FAF1: variants seen among roughly 807,000 people sequenced by gnomAD.
The protein encoded by FAF1 is Fas associated factor 1, also known as FAS-associated factor 1.
In FAF1, 25 loss-of-function variants were observed where a neutral mutation model predicts 92.5. That is an observed-to-expected ratio of 0.27 (90% CI 0.20 to 0.38). FAF1 has a LOEUF of 0.38. FAF1 is among the 10% of genes least tolerant of loss of function. The probability of loss-of-function intolerance (pLI) is 1.00; values close to 1 mark genes in which losing one functional copy is unlikely to be tolerated. For synonymous variants in FAF1, 234 were observed against 273.2 expected (o/e 0.86, Z 1.42); for missense variants, 636 against 793.3 (o/e 0.80, Z 2.38).
intron 6 of FAF1, among the ~76,000 whole-genome samples, chr1:50,707,761 A>C (rs1225436505): frequency 6.6e-6 from 1 of 152,160 alleles, no homozygotes; most frequent in Non-Finnish European, 1.5e-5. Flanking sequence ...ATTAAGCATA[A>C]TGTGTGGCAC....
At chr1:50,942,935 T>C (rs1310693192) in intron 1 of FAF1, among the ~76,000 whole-genome samples, 1 of 152,158 alleles carries the variant, frequency 6.6e-6, no homozygotes, top group Admixed American at 6.5e-5. Context: ...AGGGAGAAAG[T>C]ATCTTTACCT....
chr1:50,722,884 G>C (rs780593087), intron 6 of FAF1, among the ~76,000 whole-genome samples: 1 of 152,122 alleles, frequency 6.6e-6, no homozygotes, highest in African/African-American at 2.4e-5. Context: ...TCCTCTTTCA[G>C]TACCTCTCCT....
intron 7 of FAF1, among the ~76,000 whole-genome samples, chr1:50,675,783 T>C (rs1424504341): frequency 1.3e-5 from 2 of 152,194 alleles, no homozygotes; most frequent in Non-Finnish European, 2.9e-5. Flanking sequence ...CTAAAAGTCA[T>C]ATCCAGAAAC....
At chr1:50,727,423 G>T (rs757714034) in intron 6 of FAF1, among the ~76,000 whole-genome samples, 11 of 152,112 alleles carry the variant, frequency 7.2e-5, no homozygotes, top group Admixed American at 6.6e-5. Context: ...AGAAATCAAA[G>T]CTAAGGCAAA....
chr1:50,926,210 G>A (rs1645005123), intron 1 of FAF1, among the ~76,000 whole-genome samples: 1 of 152,074 alleles, frequency 6.6e-6, no homozygotes, highest in Non-Finnish European at 1.5e-5. Flanking sequence ...GAAAGATCCT[G>A]TCTCTAAACA....
intron 1 of FAF1, among the ~76,000 whole-genome samples, chr1:50,942,563 G>T (rs758582395): frequency 6.6e-6 from 1 of 151,748 alleles, no homozygotes; most frequent in Non-Finnish European, 1.5e-5. Flanking sequence ...CAAAATGAGG[G>T]ATTACCTACC....
intron 6 of FAF1, among the ~76,000 whole-genome samples, chr1:50,710,415 G>A (rs1393993118): frequency 4.6e-5 from 7 of 152,050 alleles, no homozygotes; most frequent in African/African-American, 7.2e-5. Flanking sequence ...ATCTGAATCC[G>A]TTTCACTACT....
chr1:50,530,269 GTGTGTGTA>G, intron 15 of FAF1, among the ~76,000 whole-genome samples: 1 of 139,810 alleles, frequency 7.2e-6, no homozygotes, highest in Non-Finnish European at 1.6e-5. Flanking sequence ...GTGTGTGTGT[GTGTGTGTA>G]TGTATATATG....
chr1:50,528,777 T>C (rs796893757), intron 15 of FAF1, among the ~76,000 whole-genome samples: 14 of 152,240 alleles, frequency 9.2e-5, no homozygotes, highest in African/African-American at 3.4e-4. Context: ...CTCTACCTCT[T>C]TTGGCTCTGC....
chr1:50,650,805 A>G (rs1557456123), intron 8 of FAF1, among the ~76,000 whole-genome samples: 1 of 152,198 alleles, frequency 6.6e-6, no homozygotes. Flanking sequence ...CTTCCTTGTT[A>G]AAGTGTAAAA....
intron 1 of FAF1, among the ~76,000 whole-genome samples, chr1:50,873,580 T>C (rs901767244): frequency 1.3e-5 from 2 of 152,192 alleles, no homozygotes; most frequent in African/African-American, 2.4e-5. Flanking sequence ...GTGACACTCA[T>C]TGTTCATTAG....
At chr1:50,953,699 A>C (rs1645239469) in intron 1 of FAF1, among the ~76,000 whole-genome samples, 1 of 152,020 alleles carries the variant, frequency 6.6e-6, no homozygotes, top group South Asian at 2.1e-4. Context: ...AGATCACGCC[A>C]CTGCACTACA....
chr1:50,560,663 C>A (rs1206626680), intron 13 of FAF1, among the ~76,000 whole-genome samples: 2 of 152,196 alleles, frequency 1.3e-5, no homozygotes, highest in Non-Finnish European at 2.9e-5. Context: ...AATTCATTTT[C>A]CAGCACTCAT....
chr1:50,779,537 A>G lies in FAF1; in HGVS notation c.367+8463T>C, dbSNP rs577668614. Among the ~76,000 whole-genome samples, 6 of 152,062 alleles carry G rather than the reference A, an allele frequency of 3.9e-5. No homozygotes were observed. The East Asian group carries it at 1.2e-3, about 29-fold the overall frequency. ...AGATACTATCAATCTCCCTGTATAT[A>G]TTGATATCTAAATATATATTTAGAT... On this transcript the variant is annotated intron_variant, in intron 4 of 18. Transcript: ENST00000396153.
intron 4 of FAF1, among the ~76,000 whole-genome samples, chr1:50,778,637 T>A (rs535430257): frequency 6.6e-6 from 1 of 152,296 alleles, no homozygotes; most frequent in South Asian, 2.1e-4. Flanking sequence ...AAGTGGATCA[T>A]CTTCCTCACT....
At chr1:50,923,412 T>C (rs2124735743) in intron 1 of FAF1, among the ~76,000 whole-genome samples, 1 of 152,098 alleles carries the variant, frequency 6.6e-6, no homozygotes, top group Non-Finnish European at 1.5e-5. Context: ...AGACCTTGTG[T>C]CTTTAAACAA....
At chr1:50,898,884 T>G (rs1006301527) in intron 1 of FAF1, among the ~76,000 whole-genome samples, 6 of 152,230 alleles carry the variant, frequency 3.9e-5, no homozygotes, top group African/African-American at 1.4e-4. Flanking sequence ...ATATGTTGGT[T>G]TATGGTTTTC....
intron 6 of FAF1, among the ~76,000 whole-genome samples, chr1:50,731,196 T>C (rs1461219332): frequency 2.0e-5 from 3 of 152,068 alleles, no homozygotes; most frequent in Non-Finnish European, 2.9e-5. Flanking sequence ...GTTGGACAAC[T>C]AGGCTTTAGG....
chr1:50,485,092 C>T (rs1377999361), intron 17 of FAF1, among the ~76,000 whole-genome samples: 2 of 151,456 alleles, frequency 1.3e-5, no homozygotes, highest in Non-Finnish European at 2.9e-5. Flanking sequence ...TACCCTAGAA[C>T]TTAAAGTATA....
Sources: allele counts gnomAD v4.1 joint callset (sites outside exome capture counted in the v4.1 genomes callset), GRCh38; gene constraint gnomAD v4.1.1; transcripts MANE v1.5; gene names NCBI Gene and HGNC (gene_info 2026-07-23, HGNC 2026-07-21).